The following RNF150 variants were observed in gnomAD, a reference collection of about 807,000 sequenced individuals.
RNF150 encodes ring finger protein 150.
Under a neutral mutation model 39.3 loss-of-function variants are expected in RNF150, and 24 were observed. The observed-to-expected ratio is 0.61, with a 90% CI of 0.44 to 0.86. The LOEUF (loss-of-function observed/expected upper bound fraction) is 0.86. Ranked by LOEUF, RNF150 falls within the 40% of genes least tolerant of loss-of-function variation. The pLI is 0.00. For synonymous variants in RNF150, 255 were observed against 227.3 expected (o/e 1.12, Z -1.10); for missense variants, 502 against 587.8 (o/e 0.85, Z 1.51).
intron 1 of RNF150, among the ~76,000 whole-genome samples, chr4:141,156,139 G>A (rs1183759154): frequency 1.3e-5 from 2 of 152,024 alleles, no homozygotes; most frequent in African/African-American, 4.8e-5. Flanking sequence ...ATCCCATCAT[G>A]GCTGGAAACC....
At chr4:141,105,885 C>G (rs1739179426) in intron 1 of RNF150, among the ~76,000 whole-genome samples, 1 of 152,160 alleles carries the variant, frequency 6.6e-6, no homozygotes, top group Admixed American at 6.6e-5. Context: ...ACAGCCATTT[C>G]TTAAATATAG....
intron 5 of RNF150, among the ~76,000 whole-genome samples, chr4:140,919,628 T>C (rs1560967004): frequency 6.7e-6 from 1 of 150,102 alleles, no homozygotes; most frequent in Admixed American, 6.7e-5. Context: ...AATTTATAGA[T>C]TCAATGCCAT....
intron 1 of RNF150, among the ~76,000 whole-genome samples, chr4:140,993,096 T>A (rs1734252954): frequency 6.6e-6 from 1 of 152,034 alleles, no homozygotes; most frequent in Non-Finnish European, 1.5e-5. Context: ...CTATGAGAGA[T>A]TGCCACAACT....
At chr4:141,086,548 T>C (rs1738372651) in intron 1 of RNF150, among the ~76,000 whole-genome samples, 1 of 152,142 alleles carries the variant, frequency 6.6e-6, no homozygotes, top group Non-Finnish European at 1.5e-5. Context: ...ACTTAATTAG[T>C]ACTACAGATG....
intron 1 of RNF150, among the ~76,000 whole-genome samples, chr4:141,000,344 A>G (rs1220791381): frequency 6.6e-6 from 1 of 152,220 alleles, no homozygotes; most frequent in African/African-American, 2.4e-5. Context: ...TTTCATAAAT[A>G]TATTCTAGAT....
At position 140,861,550 on chromosome 4, in the gene RNF150, C is replaced by T. The variant is rs1354537802; in HGVS notation, c.*6711G>A. 1.3e-5 allele frequency: 2 copies of T among 152,218 alleles called. No individual in the cohort carries two copies. The highest frequency in any genetic ancestry group is 2.9e-5 in the Non-Finnish European group (2 of 68,036). 9.4% of individuals were successfully genotyped at this position (152,218 alleles called of 1,614,324 possible). A position where few individuals can be genotyped will look rare whatever the true frequency, so the allele number is the denominator to read the frequency against. ...TAATTGCGATTACTCCAGCAGAGGG[C>T]ACTCTGCTCCTTGCAATAACATCCT... On this transcript the variant is annotated 3_prime_UTR_variant, in exon 7 of 7. Transcript: ENST00000515673.
intron 6 of RNF150, among the ~76,000 whole-genome samples, chr4:140,883,382 C>T (rs566716798): frequency 1.1e-4 from 16 of 152,074 alleles, no homozygotes; most frequent in Admixed American, 5.2e-4. Context: ...TTCATGGTGC[C>T]GTAAGCTTTT....
intron 1 of RNF150, among the ~76,000 whole-genome samples, chr4:141,207,590 G>A (rs918569103): frequency 4.0e-5 from 6 of 151,704 alleles, no homozygotes; most frequent in East Asian, 1.9e-4. Flanking sequence ...TATGAACTTC[G>A]GAGAGGATTC....
At chr4:141,117,554 T>G (rs1365258823) in intron 1 of RNF150, among the ~76,000 whole-genome samples, 1 of 152,206 alleles carries the variant, frequency 6.6e-6, no homozygotes, top group African/African-American at 2.4e-5. Context: ...TATGGTCTGT[T>G]GTACATCATT....
chr4:140,978,001 C>T lies in RNF150; in HGVS notation c.485-10128G>A, dbSNP rs898445185. On this transcript the variant is annotated intron_variant, in intron 1 of 6. Transcript: ENST00000515673. ...TTGTTGAAGATGGGGAGTGTGCTGT[C>T]TGGAAGACAATCTTAGTCTGAACAA... Among the ~76,000 whole-genome samples the T allele has an allele frequency of 9.2e-5, 14 of 152,176 alleles. 1 individual carries two copies. The highest frequency in any genetic ancestry group is 2.6e-4 in the Admixed American group (4 of 15,280).
At chr4:140,960,700 A>T (rs867827858) in intron 2 of RNF150, among the ~76,000 whole-genome samples, 1 of 151,984 alleles carries the variant, frequency 6.6e-6, no homozygotes, top group African/African-American at 2.4e-5. Context: ...CTTTTCCCTG[A>T]CTCTTGAGTA....
At chr4:141,191,492 T>C (rs947791654) in intron 1 of RNF150, among the ~76,000 whole-genome samples, 4 of 152,190 alleles carry the variant, frequency 2.6e-5, no homozygotes, top group African/African-American at 9.7e-5. Context: ...TAACACTTAG[T>C]ATCTATTTGT....
At chr4:141,167,114 A>G (rs984153655) in intron 1 of RNF150, among the ~76,000 whole-genome samples, 2 of 152,182 alleles carry the variant, frequency 1.3e-5, no homozygotes, top group African/African-American at 4.8e-5. Context: ...TACAAAATCA[A>G]TATGCAAAAA....
chr4:141,080,632 CT>C (rs1738113877), intron 1 of RNF150, among the ~76,000 whole-genome samples: 1 of 151,992 alleles, frequency 6.6e-6, no homozygotes. Context: ...GTTTTTTGTT[CT>C]TTTCTGTCTC....
chr4:141,036,013 A>G (rs924824770), intron 1 of RNF150, among the ~76,000 whole-genome samples: 2 of 152,168 alleles, frequency 1.3e-5, no homozygotes, highest in Non-Finnish European at 2.9e-5. Context: ...TTAGAAAGAA[A>G]GAAGGATTGA....
intron 1 of RNF150, among the ~76,000 whole-genome samples, chr4:141,073,667 G>T (rs28576048): frequency 3.8e-5 from 2 of 53,294 alleles, no homozygotes; most frequent in East Asian, 7.6e-4. Context: ...CAAGCTCGGG[G>T]GGGGAAGTCT....
At chr4:140,946,687 G>A (rs1392265617) in intron 4 of RNF150, among the ~76,000 whole-genome samples, 1 of 151,814 alleles carries the variant, frequency 6.6e-6, no homozygotes, top group Non-Finnish European at 1.5e-5. Flanking sequence ...ATTTTTTTTT[G>A]TAGAGACAGA....
intron 1 of RNF150, among the ~76,000 whole-genome samples, chr4:141,203,759 G>T (rs531878251): frequency 6.6e-6 from 1 of 152,014 alleles, no homozygotes; most frequent in East Asian, 1.9e-4. Flanking sequence ...AGAAGGAAAG[G>T]CATGGGTTTG....
At chr4:141,033,873 T>G (rs972564152) in intron 1 of RNF150, among the ~76,000 whole-genome samples, 2 of 152,190 alleles carry the variant, frequency 1.3e-5, no homozygotes, top group Admixed American at 1.3e-4. Flanking sequence ...TACACCATCA[T>G]CCATGCTTTG....
Sources: gnomAD v4.1 joint callset for allele counts (sites outside exome capture counted in the v4.1 genomes callset) on GRCh38, gnomAD v4.1.1 for gene constraint, MANE v1.5 for transcripts, NCBI Gene and HGNC (gene_info 2026-07-23, HGNC 2026-07-21) for gene names.